Variants in PCSK5 observed in about 807,000 individuals in gnomAD.
The protein encoded by PCSK5 is prohormone convertase 5.
A neutral mutation model predicts 233.2 loss-of-function variants in PCSK5; 129 were observed. The observed-to-expected ratio is 0.55, with a 90% confidence interval of 0.48 to 0.64. PCSK5 has a LOEUF of 0.64. Ranked by LOEUF, PCSK5 falls within the 30% of genes least tolerant of loss-of-function variation. PCSK5 has a pLI of 0.00. For synonymous variants in PCSK5, 825 were observed against 879.2 expected, an observed-to-expected ratio of 0.94 and a Z score of 1.09; for missense variants, 2,076 against 2,430.1, an observed-to-expected ratio of 0.85 and a Z score of 3.06.
intron 13 of PCSK5, among the ~76,000 whole-genome samples, chr9:76,170,519 A>G (rs1823287180): frequency 6.6e-6 from 1 of 152,220 alleles, no homozygotes; most frequent in Non-Finnish European, 1.5e-5. Flanking sequence ...GGGGTGAGAG[A>G]CTGTGTTGCC....
intron 5 of PCSK5, among the ~76,000 whole-genome samples, chr9:76,039,365 C>A (rs1212508082): frequency 6.6e-6 from 1 of 152,100 alleles, no homozygotes; most frequent in African/African-American, 2.4e-5. Flanking sequence ...GTCATACTAA[C>A]AAAATACTTT....
chr9:76,300,617 C>T (rs1828570445), intron 27 of PCSK5, among the ~76,000 whole-genome samples: 2 of 152,206 alleles, frequency 1.3e-5, no homozygotes, highest in Admixed American at 6.5e-5. Context: ...TATCAAATTA[C>T]TTCAGAATTC....
Position 76,354,029 on chromosome 9 carries a change from A to G in PCSK5, c.5068-4A>G, listed in dbSNP as rs1443344873. ...AAAAGGAACCTCTTGATTGCTCTTA[A>G]CAGGGAGAGAAGTTTAACTGTGAAA... is the stretch of plus-strand genomic sequence containing the variant. On this transcript the variant is annotated splice_polypyrimidine_tract_variant and splice_region_variant and intron_variant, in intron 36 of 37. Transcript: ENST00000674117. 5.0e-6 allele frequency: 8 copies of G among 1,604,628 alleles called. No individual in the cohort carries two copies. The highest frequency in any genetic ancestry group is 1.7e-5 in the Admixed American group (1 of 59,068).
chr9:76,304,003 C>T (rs968718771), intron 28 of PCSK5, among the ~76,000 whole-genome samples: 20 of 152,146 alleles, frequency 1.3e-4, no homozygotes, highest in African/African-American at 4.8e-4. Flanking sequence ...GAAACCCCAT[C>T]TTTACTAAAA....
At chr9:76,302,455 T>C (rs895417991) in intron 28 of PCSK5, among the ~76,000 whole-genome samples, 4 of 152,164 alleles carry the variant, frequency 2.6e-5, no homozygotes, top group African/African-American at 7.2e-5. Context: ...GATAAGGATA[T>C]TCGTGACGAG....
intron 3 of PCSK5, among the ~76,000 whole-genome samples, chr9:76,019,420 G>A (rs149961313): frequency 5.9e-5 from 9 of 151,984 alleles, no homozygotes; most frequent in South Asian, 2.1e-4. Context: ...TTGTATAGTC[G>A]GAGATGAAGT....
chr9:76,189,342 C>T, intron 19 of PCSK5, 119 bp downstream of exon 19: 1 of 827,136 alleles, frequency 1.2e-6, no homozygotes, highest in Non-Finnish European at 1.9e-6. Context: ...TAAACATGTA[C>T]CTGTGGACAC....
chr9:76,141,715 A>AAATT (rs1409547959), intron 10 of PCSK5, among the ~76,000 whole-genome samples: 2 of 152,130 alleles, frequency 1.3e-5, no homozygotes, highest in African/African-American at 4.8e-5. Context: ...CGTATAAATT[A>AAATT]AATTATTTGA....
intron 9 of PCSK5, among the ~76,000 whole-genome samples, chr9:76,126,181 A>ATGTGTGTGTGTGTGTGTGTG (rs71499131): frequency 4.0e-5 from 6 of 150,558 alleles, no homozygotes; most frequent in African/African-American, 1.5e-4. Context: ...GTGTGTGTGT[A>ATGTGTGTGTGTGTGTGTGTG]TGTGTGTGTG....
chr9:75,967,544 T>C (rs1825643252), intron 2 of PCSK5, among the ~76,000 whole-genome samples: 1 of 152,160 alleles, frequency 6.6e-6, no homozygotes, highest in African/African-American at 2.4e-5. Context: ...TCACAAACAG[T>C]CCTTGAGGAT....
intron 20 of PCSK5, chr9:76,194,644 C>G (rs1824598714): frequency 2.8e-6 from 1 of 358,880 alleles, no homozygotes; most frequent in Non-Finnish European, 5.7e-6. Flanking sequence ...TTTTCTGTGA[C>G]TCTCTAAACA....
intron 9 of PCSK5, among the ~76,000 whole-genome samples, chr9:76,131,249 G>A (rs976528095): frequency 4.1e-4 from 63 of 152,240 alleles, no homozygotes; most frequent in Middle Eastern, 3.4e-3. Flanking sequence ...AACAAGAGTC[G>A]TCTCTGGATT....
At chr9:76,193,953 A>C (rs1824556099) in intron 20 of PCSK5, 1 of 152,552 alleles carries the variant, frequency 6.6e-6, no homozygotes, top group Non-Finnish European at 1.5e-5. Flanking sequence ...CATTTACTTC[A>C]TGCTGTGTAC....
intron 10 of PCSK5, among the ~76,000 whole-genome samples, chr9:76,153,286 TA>T (rs1266163177): frequency 1.7e-4 from 26 of 152,384 alleles, no homozygotes; most frequent in African/African-American, 6.3e-4. Context: ...AATTATTCTG[TA>T]TACATAACTT....
At chr9:76,048,429 C>T (rs1385710275) in intron 5 of PCSK5, among the ~76,000 whole-genome samples, 1 of 152,156 alleles carries the variant, frequency 6.6e-6, no homozygotes, top group Non-Finnish European at 1.5e-5. Flanking sequence ...AACTTCTGAG[C>T]AGTTGTCTCA....
At chr9:76,118,788 C>A in intron 9 of PCSK5, among the ~76,000 whole-genome samples, 1 of 151,860 alleles carries the variant, frequency 6.6e-6, no homozygotes, top group East Asian at 1.9e-4. Flanking sequence ...TCAAATGTCT[C>A]CCTACACAGC....
At chr9:76,042,055 G>T (rs1829144034) in intron 5 of PCSK5, among the ~76,000 whole-genome samples, 1 of 152,014 alleles carries the variant, frequency 6.6e-6, no homozygotes, top group South Asian at 2.1e-4. Flanking sequence ...TTATATATAG[G>T]GTGTTACCTT....
At chr9:76,092,614 A>G (rs962179922) in intron 7 of PCSK5, among the ~76,000 whole-genome samples, 1 of 152,188 alleles carries the variant, frequency 6.6e-6, no homozygotes, top group Non-Finnish European at 1.5e-5. Context: ...GCCCAGGCTT[A>G]TCTCTAAGTG....
intron 16 of PCSK5, among the ~76,000 whole-genome samples, chr9:76,183,667 A>C (rs149684984): frequency 0.01 from 1,585 of 152,306 alleles, 12 homozygotes; most frequent in South Asian, 0.029. Context: ...GACTACTGTT[A>C]AGATTGTAAG....
Sources: gnomAD v4.1 joint callset for allele counts (sites outside exome capture counted in the v4.1 genomes callset) on GRCh38, gnomAD v4.1.1 for gene constraint, MANE v1.5 for transcripts, NCBI Gene and HGNC (gene_info 2026-07-23, HGNC 2026-07-21) for gene names.